MRNIP: variants seen among roughly 807,000 people sequenced by gnomAD.
The protein encoded by MRNIP is MRN complex-interacting protein.
MRNIP carries 30 observed loss-of-function variants against 29.8 expected under a neutral mutation model. The ratio of observed to expected loss-of-function variants is 1.01; its 90% CI spans 0.75 to 1.36. MRNIP has a LOEUF of 1.36. MRNIP is among the 40% of genes most tolerant of loss of function. MRNIP has a pLI of 0.00. For synonymous variants in MRNIP, 201 were observed against 164.1 expected, an observed-to-expected ratio of 1.23 and a Z score of -1.72; for missense variants, 459 against 423.5, an observed-to-expected ratio of 1.08 and a Z score of -0.74.
chr5:179,847,801 T>A (rs535262832), intron 3 of MRNIP, 177 bp downstream of exon 3: 2 of 568,596 alleles, frequency 3.5e-6, no homozygotes, highest in African/African-American at 3.8e-5. Flanking sequence ...ATTCTAAACA[T>A]CCCCGGGGTC....
intron 4 of MRNIP, 99 bp downstream of exon 4, chr5:179,844,053 C>T (rs1190811043): frequency 1.1e-6 from 1 of 945,930 alleles, no homozygotes; most frequent in Non-Finnish European, 1.7e-6. Flanking sequence ...CATTGGGTGG[C>T]ATCAACACAC....
intron 1 of MRNIP, among the ~76,000 whole-genome samples, chr5:179,856,839 C>T (rs1276918326): frequency 6.6e-6 from 1 of 151,724 alleles, no homozygotes; most frequent in Non-Finnish European, 1.5e-5. Flanking sequence ...CCCGTAGTCC[C>T]GGCACTTTGG....
intron 3 of MRNIP, chr5:179,846,019 GTA>G (rs1349024999): frequency 6.6e-6 from 1 of 152,128 alleles, no homozygotes; most frequent in Non-Finnish European, 1.5e-5. Flanking sequence ...TTGGTCCAGG[GTA>G]TATGAGTAGC....
intron 2 of MRNIP, among the ~76,000 whole-genome samples, chr5:179,852,068 G>A (rs1262531820): frequency 3.9e-5 from 6 of 151,990 alleles, no homozygotes; most frequent in Admixed American, 3.3e-4. Flanking sequence ...ATCATTTGAG[G>A]TCAGGAGTTC....
chr5:179,849,356 AT>A (rs1759260424), intron 2 of MRNIP, among the ~76,000 whole-genome samples: 1 of 151,646 alleles, frequency 6.6e-6, no homozygotes, highest in Admixed American at 6.6e-5. Context: ...AAGAGATGGA[AT>A]TTGTGACCAT....
chr5:179,844,914 T>C (rs916449153), intron 3 of MRNIP, among the ~76,000 whole-genome samples: 3 of 152,224 alleles, frequency 2.0e-5, no homozygotes, highest in African/African-American at 7.2e-5. Flanking sequence ...AATGCTTTTA[T>C]CCAGTTTGGG....
At chr5:179,843,301 C>T (rs1302277635) in intron 4 of MRNIP, among the ~76,000 whole-genome samples, 1 of 151,956 alleles carries the variant, frequency 6.6e-6, no homozygotes, top group African/African-American at 2.4e-5. Flanking sequence ...GAAAACTATA[C>T]CGCAGCACAG....
intron 1 of MRNIP, among the ~76,000 whole-genome samples, chr5:179,855,793 C>G (rs993466211): frequency 1.3e-5 from 2 of 151,972 alleles, no homozygotes; most frequent in African/African-American, 4.8e-5. Flanking sequence ...ACAATGAGCA[C>G]CTACCAAAAA....
chr5:179,848,450 T>C (rs1014824105), intron 2 of MRNIP, among the ~76,000 whole-genome samples: 8 of 152,230 alleles, frequency 5.3e-5, no homozygotes, highest in Admixed American at 1.3e-4. Flanking sequence ...CCTTCACTGA[T>C]AATCAAAGGA....
At chr5:179,847,087 CTAATGT>C (rs1318703748) in intron 3 of MRNIP, 1 of 149,700 alleles carries the variant, frequency 6.7e-6, no homozygotes, top group Admixed American at 6.7e-5. Flanking sequence ...GTTAGTGACA[CTAATGT>C]TAATCAGTTC....
intron 2 of MRNIP, chr5:179,851,012 G>T (rs900250146): frequency 5.9e-6 from 2 of 340,430 alleles, no homozygotes; most frequent in African/African-American, 4.3e-5. Context: ...CAAGGGCAGC[G>T]CCCTGCTGAC....
intron 6 of MRNIP, chr5:179,840,598 A>G: frequency 1.8e-6 from 1 of 568,818 alleles, no homozygotes; most frequent in Admixed American, 3.2e-5. Flanking sequence ...ACCCATCGTC[A>G]GGTTGACCTG....
At chr5:179,840,674 C>T (rs552492982) in intron 6 of MRNIP, 198 bp downstream of exon 6, 112 of 605,626 alleles carry the variant, frequency 1.8e-4, no homozygotes, top group African/African-American at 1.3e-3. Context: ...TCATGGGAGA[C>T]GAGAGGCATG....
At chr5:179,846,857 G>A (rs1393938010) in intron 3 of MRNIP, among the ~76,000 whole-genome samples, 4 of 152,002 alleles carry the variant, frequency 2.6e-5, no homozygotes, top group East Asian at 1.9e-4. Context: ...GTAGTCCTCC[G>A]GGAGCTCAGT....
intron 1 of MRNIP, among the ~76,000 whole-genome samples, chr5:179,855,752 G>A (rs776504970): frequency 2.0e-5 from 3 of 152,008 alleles, no homozygotes; most frequent in African/African-American, 7.3e-5. Flanking sequence ...TGAGGTTTTC[G>A]GGGGAAGTAT....
Position 179,837,504 on chromosome 5 carries a change from C to T in MRNIP, c.919G>A (p.Ala307Thr), listed in dbSNP as rs531042257. 23 of 1,614,056 alleles carry T rather than the reference C, an allele frequency of 1.4e-5. No homozygotes were observed. In the Admixed American group the frequency reaches 2.2e-4, roughly 15 times the overall value. ...CCACCCTCTGCCCAGGGAGTCCTTG[C>T]GTCCCATGAGGTCTTCCCGCAAGGC... ...ERPCGKTSWD[A>T]RTPWAEGGPL... The change falls in exon 7 of 7, where the codon GCA becomes ACA. Residue 307 changes from alanine to threonine, a missense_variant. Physicochemically the swap from Ala to Thr is moderately conservative, Grantham distance 58 (BLOSUM62 0). Transcript: ENST00000292586.
At position 179,852,266 on chromosome 5, in the gene MRNIP, A is replaced by T. The variant is rs895434794; in HGVS notation, c.126+1112T>A. On this transcript the variant is annotated intron_variant, in intron 2 of 6. Transcript: ENST00000292586. ...GCGCCACTGCACTCCAGCCTGCATG[A>T]CAGAGAGAGACTCCATGTCAAAAAA... Among the ~76,000 whole-genome samples, 3 of 151,586 alleles carry T rather than the reference A, an allele frequency of 2.0e-5. No homozygotes were observed. The South Asian group carries it at 6.3e-4, about 32-fold the overall frequency.
chr5:179,843,926 G>C (rs530861714), intron 4 of MRNIP, among the ~76,000 whole-genome samples: 1 of 152,140 alleles, frequency 6.6e-6, no homozygotes, highest in Non-Finnish European at 1.5e-5. Context: ...AGCAGACAGA[G>C]GAGAGAGTCC....
rs1477066351 is a variant in MRNIP at position 179,858,755 on chromosome 5, G to A, written c.42C>T (p.Ser14=). The change falls in exon 1 of 7, where the codon AGC becomes AGT. Residue 14 remains serine (S), a synonymous_variant. Coordinates refer to ENST00000292586, the MANE Select transcript of MRNIP (RefSeq NM_016175.4). ...LQRSRVLRCC[S]CRLFQAHQVK... ...CCTGGTGCGCCTGGAAGAGGCGGCA[G>A]CTGCAGCAGCGTAGCACCCGAGAAC... The A allele has an allele frequency of 2.6e-6, 4 of 1,533,926 alleles. No individual in the cohort carries two copies. Among genetic ancestry groups the A allele is most frequent in the South Asian group, 1.2e-5 (1 of 82,300 alleles).
Sources: allele counts gnomAD v4.1 joint callset (sites outside exome capture counted in the v4.1 genomes callset), GRCh38; gene constraint gnomAD v4.1.1; transcripts MANE v1.5; gene names NCBI Gene and HGNC (gene_info 2026-07-23, HGNC 2026-07-21).